Variants in AHCY observed in about 807,000 individuals in gnomAD.
The protein encoded by AHCY is S-adenosyl-L-homocysteine hydrolase.
Under a neutral mutation model 45.4 loss-of-function variants are expected in AHCY, and 24 were observed. That is an observed-to-expected ratio of 0.53 (90% CI 0.38 to 0.74). The LOEUF is 0.74. Ranked by LOEUF, AHCY falls within the 30% of genes least tolerant of loss-of-function variation. The probability of loss-of-function intolerance (pLI) is 0.00; values close to 1 mark genes in which losing one functional copy is unlikely to be tolerated. For missense variants in AHCY, 449 were observed against 594.1 expected (o/e 0.76, Z 2.54); for synonymous variants, 245 against 235.1 (o/e 1.04, Z -0.39).
chr20:34,240,083 T>C, the AHCY span, among the ~76,000 whole-genome samples: 1 of 152,148 alleles, frequency 6.6e-6, no homozygotes, highest in Non-Finnish European at 1.5e-5. Flanking sequence ...GGAGTTTTAT[T>C]AGAGAAATGT....
the AHCY span, among the ~76,000 whole-genome samples, chr20:34,264,612 T>G: frequency 6.6e-6 from 1 of 152,110 alleles, no homozygotes; most frequent in Non-Finnish European, 1.5e-5. Flanking sequence ...GTCTGAAGCT[T>G]TGGTTGCTTA....
chr20:34,265,497 C>T, the AHCY span, among the ~76,000 whole-genome samples: 1 of 152,100 alleles, frequency 6.6e-6, no homozygotes, highest in Non-Finnish European at 1.5e-5. Flanking sequence ...GCACTCCAGC[C>T]TGGGCAACAG....
At chr20:34,256,798 T>TA in the AHCY span, among the ~76,000 whole-genome samples, 2 of 152,172 alleles carry the variant, frequency 1.3e-5, no homozygotes, top group African/African-American at 4.8e-5. Flanking sequence ...GTTTTTGAGA[T>TA]AGAGTCTCAC....
At chr20:34,267,917 T>A in the AHCY span, among the ~76,000 whole-genome samples, 3 of 151,074 alleles carry the variant, frequency 2.0e-5, no homozygotes, top group Admixed American at 6.6e-5. Context: ...CATTTCAATA[T>A]GTGATTAATT....
At chr20:34,258,673 C>CTATATATATATATATATATATATATA in the AHCY span, among the ~76,000 whole-genome samples, 2 of 4,604 alleles carry the variant, frequency 4.3e-4, no homozygotes, top group Non-Finnish European at 1.2e-3. Flanking sequence ...AAGGGGGATG[C>CTATATATATATATATATATATATATA]CATATATATA....
At chr20:34,278,924 C>G (rs781313877), downstream of AHCY, among the ~76,000 whole-genome samples, 7 of 151,378 alleles carry the variant, frequency 4.6e-5, no homozygotes, top group Non-Finnish European at 8.8e-5. Context: ...GCCTGGCCAA[C>G]ATGGTGAAAC....
the AHCY span, among the ~76,000 whole-genome samples, chr20:34,271,355 A>AAC: frequency 2.0e-5 from 3 of 152,164 alleles, no homozygotes; most frequent in Non-Finnish European, 4.4e-5. Flanking sequence ...TTTGTGACTC[A>AAC]GAGTTATGGT....
At chr20:34,279,635 A>G (rs1333784576), downstream of AHCY, among the ~76,000 whole-genome samples, 1 of 152,134 alleles carries the variant, frequency 6.6e-6, no homozygotes, top group Non-Finnish European at 1.5e-5. Context: ...AACTTAAACT[A>G]TGTGCACTCA....
rs1034263157 is a variant in AHCY at position 34,290,520 on chromosome 20, C to T, written c.854+31G>A. ...CTGTCCCAACTCTGCCCTCCTCCCT[C>T]ACTCCCCGGGACCCCCCATCTGGCA... On this transcript the variant is annotated intron_variant, in intron 7 of 9. Coordinates refer to ENST00000217426, the MANE Select transcript of AHCY (RefSeq NM_000687.4). The surrounding 1 kb of genome is among the most constrained non-coding windows in gnomAD (Gnocchi z 4.5). The T allele has an allele frequency of 2.6e-5, 42 of 1,613,888 alleles. No homozygotes were observed. The highest frequency in any genetic ancestry group is 3.5e-5 in the Non-Finnish European group (41 of 1,179,886).
chr20:34,267,843 T>TAA, the AHCY span, among the ~76,000 whole-genome samples: 79 of 147,714 alleles, frequency 5.3e-4, no homozygotes, highest in East Asian at 1.2e-3. Context: ...TAACCATATT[T>TAA]AAAAAAAAAA....
chr20:34,246,360 G>A, the AHCY span: 2 of 1,498,474 alleles, frequency 1.3e-6, no homozygotes, highest in East Asian at 4.9e-5. Context: ...AGTTCATTTA[G>A]AAAATTCTTC....
chr20:34,295,367 T>C, intron 2 of AHCY, 28 bp downstream of exon 2: 1 of 1,613,482 alleles, frequency 6.2e-7, no homozygotes, highest in Non-Finnish European at 8.5e-7. Flanking sequence ...GGGCAAGGAC[T>C]CTGGGGTGAT....
chr20:34,278,977 T>G (rs1365793338), downstream of AHCY, among the ~76,000 whole-genome samples: 1 of 151,676 alleles, frequency 6.6e-6, no homozygotes, highest in Non-Finnish European at 1.5e-5. Flanking sequence ...GGTGTGGTGA[T>G]GAGCATCTGT....
chr20:34,301,302 T>C (rs535337602), intron 1 of AHCY, among the ~76,000 whole-genome samples: 28 of 152,048 alleles, frequency 1.8e-4, no homozygotes, highest in Admixed American at 1.7e-3. Flanking sequence ...CACCACCACA[T>C]GTCCCTCCAG....
the AHCY span, among the ~76,000 whole-genome samples, chr20:34,274,972 C>T: frequency 6.6e-6 from 1 of 151,936 alleles, no homozygotes; most frequent in Non-Finnish European, 1.5e-5. Context: ...TCAGGTGGTA[C>T]AAATTCCTGT....
intron 1 of AHCY, among the ~76,000 whole-genome samples, chr20:34,297,048 C>T (rs1440213539): frequency 1.4e-4 from 21 of 151,998 alleles, no homozygotes; most frequent in Admixed American, 1.4e-3. Context: ...ACTCTAGCCA[C>T]GCCTCATCTT....
the AHCY span, among the ~76,000 whole-genome samples, chr20:34,254,581 G>A: frequency 1.3e-5 from 2 of 152,108 alleles, no homozygotes; most frequent in South Asian, 4.2e-4. Flanking sequence ...GAATTGATGT[G>A]AATCAATTCA....
At chr20:34,302,561 G>T (rs978003393) in intron 1 of AHCY, 1 of 943,632 alleles carries the variant, frequency 1.1e-6, no homozygotes, top group Non-Finnish European at 1.3e-6. Flanking sequence ...AAAGCTAGAA[G>T]GCAGTGCCGA....
the AHCY span, among the ~76,000 whole-genome samples, chr20:34,267,658 G>C: frequency 3.3e-5 from 5 of 151,696 alleles, no homozygotes; most frequent in East Asian, 7.7e-4. Context: ...CAGCCTCCCG[G>C]GAGTAGCTGG....
Sources: gnomAD v4.1 joint callset for allele counts (sites outside exome capture counted in the v4.1 genomes callset) on GRCh38, gnomAD v4.1.1 for gene constraint, Gnocchi (gnomAD v3.1) non-coding constraint, MANE v1.5 for transcripts, NCBI Gene and HGNC (gene_info 2026-07-23, HGNC 2026-07-21) for gene names.